PDGFRB: variants seen among roughly 807,000 people sequenced by gnomAD.
PDGFRB encodes platelet derived growth factor receptor beta.
A neutral mutation model predicts 120.2 loss-of-function variants in PDGFRB; 42 were observed. The observed-to-expected ratio is 0.35, with a 90% CI of 0.27 to 0.45. PDGFRB has a LOEUF of 0.45. PDGFRB is among the 20% of genes least tolerant of loss of function. PDGFRB has a pLI of 1.00. For synonymous variants in PDGFRB, 586 were observed against 606.8 expected (o/e 0.97, Z 0.50); for missense variants, 1,149 against 1,476.3 (o/e 0.78, Z 3.63).
At chr5:150,154,142 G>C (rs1171746543) in intron 1 of PDGFRB, among the ~76,000 whole-genome samples, 1 of 152,094 alleles carries the variant, frequency 6.6e-6, no homozygotes, top group Non-Finnish European at 1.5e-5. Context: ...TTGGAAGACA[G>C]GAAGAACCTA....
chr5:150,126,286 T>G (rs1340271414), intron 11 of PDGFRB, among the ~76,000 whole-genome samples: 1 of 152,064 alleles, frequency 6.6e-6, no homozygotes, highest in African/African-American at 2.4e-5. Context: ...ACCCGGGGAC[T>G]TAATGACACA....
Position 150,132,075 on chromosome 5 carries a change from G to T in PDGFRB, c.1147C>A (p.Leu383Met). Reference sequence around the variant, plus strand: ...GCCTCTGCCACCTTCACGCGAACCAGTGTCAGCTCTGACACATACCTGGGG... The same window carrying T: ...GCCTCTGCCACCTTCACGCGAACCATTGTCAGCTCTGACACATACCTGGGG... ...SETRYVSELT[L>M]VRVKVAEAGH... Residue 383 changes from leucine to methionine, a missense_variant, in exon 8 of 23, where the codon CTG (leucine) becomes ATG (methionine). Leu to Met is a conservative substitution (Grantham distance 15, BLOSUM62 2). Around this residue, in one of 3 missense-constraint regions of PDGFRB, gnomAD observed 879 missense variants for 1,108.6 expected, o/e 0.79. Coordinates refer to ENST00000261799, the MANE Select transcript of PDGFRB (RefSeq NM_002609.4). This position sits in a 1 kb window ranked among gnomAD's most constrained non-coding sequence, Gnocchi z 5.0. The T allele has an allele frequency of 2.5e-6, 4 of 1,604,778 alleles. No homozygotes were observed. The highest frequency in any genetic ancestry group is 8.5e-7 in the Non-Finnish European group (1 of 1,171,488).
At chr5:150,154,995 G>A (rs1216094908) in intron 1 of PDGFRB, among the ~76,000 whole-genome samples, 3 of 152,194 alleles carry the variant, frequency 2.0e-5, no homozygotes, top group Non-Finnish European at 4.4e-5. Context: ...AGGAACAGCG[G>A]CTATGGTCCT....
Position 150,122,966 on chromosome 5 carries a change from C to A in PDGFRB, c.2183+76G>T, listed in dbSNP as rs143443360. On this transcript the variant is annotated intron_variant, in intron 15 of 22. Transcript: ENST00000261799. ...CCCTGTCACAGCCTCAGCTTCCCCTCCTGGACAAAAGGAGGGGAAGGAGCG... is the reference window on the plus strand; with the variant it reads ...CCCTGTCACAGCCTCAGCTTCCCCTACTGGACAAAAGGAGGGGAAGGAGCG... The A allele has an allele frequency of 5.3e-3, 7,142 of 1,355,898 alleles. 25 individuals are homozygous for A. Among genetic ancestry groups the A allele is most frequent in the Non-Finnish European group, 6.4e-3 (6,191 of 967,738 alleles). 84.0% of individuals were successfully genotyped at this position (1,355,898 alleles called of 1,614,324 possible).
chr5:150,139,355 G>A (rs1226186616), intron 1 of PDGFRB, among the ~76,000 whole-genome samples: 1 of 152,212 alleles, frequency 6.6e-6, no homozygotes, highest in South Asian at 2.1e-4. Flanking sequence ...GAGACTGAGC[G>A]AGTCTCCAGC....
chr5:150,126,507 G>A lies in PDGFRB; in HGVS notation c.1674+13C>T. ...GTGCCAGTCTTCACCCACTGGGCCAGGGAGGGGCTTACCTTCTGCCAAAGC... is the reference window on the plus strand; with the variant it reads ...GTGCCAGTCTTCACCCACTGGGCCAAGGAGGGGCTTACCTTCTGCCAAAGC... On this transcript the variant is annotated intron_variant, in intron 11 of 22. Coordinates refer to ENST00000261799, the MANE Select transcript of PDGFRB (RefSeq NM_002609.4). 1 of 1,454,644 alleles carries A rather than the reference G, an allele frequency of 6.9e-7. No homozygotes were observed. Among genetic ancestry groups the A allele is most frequent in the Non-Finnish European group, 9.7e-7 (1 of 1,034,456 alleles). The allele number at this position is 1,454,644 out of a possible 1,614,324, so 90.1% of individuals were successfully genotyped here.
intron 1 of PDGFRB, 41 bp from the exon 2 acceptor site, chr5:150,137,094 G>A (rs770332083): frequency 6.4e-7 from 1 of 1,558,178 alleles, no homozygotes; most frequent in Non-Finnish European, 8.8e-7. Flanking sequence ...GGCAGGTGGA[G>A]GCAGCGACAG....
At position 150,132,960 on chromosome 5, in the gene PDGFRB, CA is replaced by C. The variant is rs1380911074; in HGVS notation, c.935-19del. On this transcript the variant is annotated intron_variant, in intron 6 of 22. Transcript: ENST00000261799. The surrounding 1 kb of genome is among the most constrained non-coding windows in gnomAD (Gnocchi z 5.0). ...GCCGCTCTCTGCAAGGGGTGACCGT[CA>C]GGGGCGGGGCCCTGGGGGCAGGGCA... 6.5e-7 allele frequency: 1 copy of C among 1,535,140 alleles called. No individual in the cohort carries two copies. The highest frequency in any genetic ancestry group is 1.4e-5 in the African/African-American group (1 of 72,834).
rs200377656 is a variant in PDGFRB, at chr5:150,121,944, G to A, written c.2280C>T (p.Asp760=). Residue 760 remains aspartate, a synonymous_variant, in exon 16 of 23, where the codon GAC becomes GAT. Coordinates refer to ENST00000261799, the MANE Select transcript of PDGFRB (RefSeq NM_002609.4). The surrounding 1 kb of genome is among the most constrained non-coding windows in gnomAD (Gnocchi z 4.1). The stretch of plus-strand genomic sequence containing the variant: ...AGGACTCGATGTCTGCATATTTGAC[G>A]TCTCCTTTCATGTCCAGCATGGGCA... ...DYVPMLDMKG[D]VKYADIESSN... is the part of the protein sequence containing the mutation. The A allele has an allele frequency of 5.6e-5, 91 of 1,613,120 alleles. No homozygotes were observed. Among genetic ancestry groups the A allele is most frequent in the Middle Eastern group, 5.0e-4 (3 of 6,054 alleles).
At position 150,124,753 on chromosome 5, in the gene PDGFRB, A is replaced by G; in HGVS notation, c.1886T>C (p.Met629Thr). 1 of 1,596,258 alleles carries G rather than the reference A, an allele frequency of 6.3e-7. No individual in the cohort carries two copies. Among genetic ancestry groups the G allele is most frequent in the Non-Finnish European group, 8.6e-7 (1 of 1,165,130 alleles). The change falls in exon 13 of 23, where the codon ATG (methionine) becomes ACG (threonine). Residue 629 changes from methionine (M) to threonine (T), a missense_variant. Met to Thr is a moderately conservative substitution (Grantham distance 81). Around this residue, in one of 3 missense-constraint regions of PDGFRB, gnomAD observed 879 missense variants for 1,108.6 expected, o/e 0.79. Transcript: ENST00000261799. ...TTTAAGCATCTTGACGGCCACTTTC[A>G]TCGTGGCCTGAGAATGGCTCAGGCC... Reference protein sequence around the residue: ...AHGLSHSQATMKVAVKMLKST... With the variant: ...AHGLSHSQATTKVAVKMLKST...
At position 150,115,674 on chromosome 5, in the gene PDGFRB, C is replaced by A. The variant is rs1013628040; in HGVS notation, c.*89G>T. 1.9e-5 allele frequency: 24 copies of A among 1,291,530 alleles called. No homozygotes were observed. Among genetic ancestry groups the A allele is most frequent in the Non-Finnish European group, 2.3e-5 (22 of 955,866 alleles). The allele number at this position is 1,291,530 out of a possible 1,614,324, so 80.0% of individuals were successfully genotyped here. A position where few individuals can be genotyped will look rare whatever the true frequency, so the allele number is the denominator to read the frequency against. On this transcript the variant is annotated 3_prime_UTR_variant, in exon 23 of 23. Coordinates refer to ENST00000261799, the MANE Select transcript of PDGFRB (RefSeq NM_002609.4). ...GGGACAGCTGATAAGGGCAGCCTGG[C>A]TGACAGGAAGCCCGGTCAGGCCAGG...
rs780944565 is a variant in PDGFRB, at chr5:150,120,930, A to G, written c.2544T>C (p.Ala848=). 6.2e-7 allele frequency: 1 copy of G among 1,613,924 alleles called. No individual in the cohort carries two copies. The highest frequency in any genetic ancestry group is 8.5e-7 in the Non-Finnish European group (1 of 1,179,938). ...AATTCGAGTCCCGCATGATGTCTCG[A>G]GCCAGGCCAAAGTCACAGATCTTGA... ...KLVKICDFGL[A]RDIMRDSNYI... is the part of the protein sequence containing the mutation. Residue 848 remains alanine, a synonymous_variant, in exon 18 of 23, where the codon GCT becomes GCC. Transcript: ENST00000261799. The surrounding 1 kb of genome is among the most constrained non-coding windows in gnomAD (Gnocchi z 4.3).
chr5:150,120,106 C>A lies in PDGFRB; in HGVS notation c.2604G>T (p.Lys868Asn), dbSNP rs1159721959. ...ISKGSTFLPL[K>N]WMAPESIFNS... is the part of the protein sequence containing the mutation. The stretch of plus-strand genomic sequence containing the variant: ...TGAAGATGCTCTCCGGAGCCATCCA[C>A]TTTAAAGGCAAAAAGGTCTGTAGGG... Residue 868 changes from lysine to asparagine, a missense_variant, in exon 19 of 23, where the codon AAG becomes AAT. Physicochemically the swap from Lys to Asn is moderately conservative, Grantham distance 94 (BLOSUM62 0). Transcript: ENST00000261799. The surrounding 1 kb of genome is among the most constrained non-coding windows in gnomAD (Gnocchi z 4.3). 1.9e-6 allele frequency: 3 copies of A among 1,581,934 alleles called. No individual in the cohort carries two copies. Among genetic ancestry groups the A allele is most frequent in the Non-Finnish European group, 2.6e-6 (3 of 1,150,538 alleles).
At chr5:150,124,504 G>A in intron 13 of PDGFRB, 144 bp from the exon 14 acceptor site, 1 of 660,306 alleles carries the variant, frequency 1.5e-6, no homozygotes, top group Non-Finnish European at 2.7e-6. Context: ...CACACTCTGA[G>A]GAGGGGAAGA....
At chr5:150,122,419 G>A (rs538729167) in intron 15 of PDGFRB, among the ~76,000 whole-genome samples, 1 of 152,128 alleles carries the variant, frequency 6.6e-6, no homozygotes, top group African/African-American at 2.4e-5. Flanking sequence ...TATGCCTGTA[G>A]CATCAGCTCC....
chr5:150,133,645 T>C lies in PDGFRB; in HGVS notation c.875A>G (p.Asn292Ser), dbSNP rs1175765188. Reference sequence around the variant, plus strand: ...ATGGTCATTCACACTCTCCGTCACATTGCAGGTGTAGGTCCCCGAGTCTTC... The same window carrying C: ...ATGGTCATTCACACTCTCCGTCACACTGCAGGTGTAGGTCCCCGAGTCTTC... ...ELEDSGTYTC[N>S]VTESVNDHQD... is the part of the protein sequence containing the mutation. Residue 292 changes from asparagine to serine, a missense_variant, in exon 6 of 23, where the codon AAT (asparagine) becomes AGT (serine). By Grantham distance (46) the Asn-to-Ser change is conservative. Around this residue, in one of 3 missense-constraint regions of PDGFRB, gnomAD observed 879 missense variants for 1,108.6 expected, o/e 0.79. Transcript: ENST00000261799. 4 of 1,614,094 alleles carry C rather than the reference T, an allele frequency of 2.5e-6. No individual in the cohort carries two copies. In the Admixed American group the frequency reaches 6.7e-5, roughly 27 times the overall value.
chr5:150,149,502 TATCCATCCATCC>T (rs142299049), intron 1 of PDGFRB, among the ~76,000 whole-genome samples: 1 of 151,958 alleles, frequency 6.6e-6, no homozygotes, highest in South Asian at 2.1e-4. Flanking sequence ...TCCATCGATT[TATCCATCCATCC>T]ATCCATCCAT....
rs79566483 is a variant in PDGFRB at position 150,121,759 on chromosome 5, A to G, written c.2344+121T>C. The G allele has an allele frequency of 0.032, 26,019 of 802,040 alleles. 544 individuals are homozygous for G. The highest frequency in any genetic ancestry group is 0.081 in the African/African-American group (4,761 of 58,858). 49.7% of individuals were successfully genotyped at this position (802,040 alleles called of 1,614,324 possible). A position where few individuals can be genotyped will look rare whatever the true frequency, so the allele number is the denominator to read the frequency against. On this transcript the variant is annotated intron_variant, in intron 16 of 22. Transcript: ENST00000261799. This position sits in a 1 kb window ranked among gnomAD's most constrained non-coding sequence, Gnocchi z 4.1. ...AGTTTTGGCCAGGTGGCTAGCCTCAATTTCTACATCTATGAAATGGGCACG... is the reference window on the plus strand; with the variant it reads ...AGTTTTGGCCAGGTGGCTAGCCTCAGTTTCTACATCTATGAAATGGGCACG...
rs937768045 is a variant in PDGFRB at position 150,119,625 on chromosome 5, C to T, written c.2699-59G>A. On this transcript the variant is annotated intron_variant, in intron 19 of 22. Coordinates refer to ENST00000261799, the MANE Select transcript of PDGFRB (RefSeq NM_002609.4). ...TCAGGGGTGGAAAAGTGGCAGGGCA[C>T]CCTCTTCTACAGGACAAGGAGAGCC... 8.0e-6 allele frequency: 8 copies of T among 1,002,298 alleles called. No individual in the cohort carries two copies. The African/African-American group carries it at 1.1e-4, about 14-fold the overall frequency. 62.1% of individuals were successfully genotyped at this position (1,002,298 alleles called of 1,614,324 possible).
Sources: allele counts gnomAD v4.1 joint callset (sites outside exome capture counted in the v4.1 genomes callset), GRCh38; gene constraint gnomAD v4.1.1; regional missense constraint gnomAD v4.1.1; non-coding constraint Gnocchi (gnomAD v3.1); transcripts MANE v1.5; gene names NCBI Gene and HGNC (gene_info 2026-07-23, HGNC 2026-07-21).